SOX5: variants seen among roughly 807,000 people sequenced by gnomAD.
SOX5 encodes the protein SRY-box transcription factor 5.
A neutral mutation model predicts 92.0 loss-of-function variants in SOX5; 9 were observed. The ratio of observed to expected loss-of-function variants is 0.10; its 90% CI spans 0.06 to 0.17. The LOEUF (loss-of-function observed/expected upper bound fraction) is 0.17. Ranked by LOEUF, SOX5 falls within the 10% of genes least tolerant of loss-of-function variation. The probability of loss-of-function intolerance (pLI) is 1.00; values close to 1 mark genes in which losing one functional copy is unlikely to be tolerated. For missense variants in SOX5, 642 were observed against 944.5 expected (o/e 0.68, Z 4.20); for synonymous variants, 344 against 336.3 (o/e 1.02, Z -0.25).
At chr12:23,752,931 A>T (rs2094226742) in intron 4 of SOX5, among the ~76,000 whole-genome samples, 1 of 151,844 alleles carries the variant, frequency 6.6e-6, no homozygotes, top group South Asian at 2.1e-4. Flanking sequence ...GTAACTTTAA[A>T]ACCTAATTCA....
intron 2 of SOX5, among the ~76,000 whole-genome samples, chr12:23,882,798 C>T (rs533599534): frequency 2.0e-5 from 3 of 152,228 alleles, no homozygotes; most frequent in South Asian, 2.1e-4. Flanking sequence ...AAGTGTCTTC[C>T]GTGCACACAG....
chr12:24,106,334 G>A (rs1946663758), intron 4 of SOX5, among the ~76,000 whole-genome samples: 1 of 152,254 alleles, frequency 6.6e-6, no homozygotes, highest in Non-Finnish European at 1.5e-5. Context: ...GAAAAACTAT[G>A]TAAACAAATG....
At chr12:23,585,895 A>G (rs890219753) in intron 9 of SOX5, among the ~76,000 whole-genome samples, 2 of 152,026 alleles carry the variant, frequency 1.3e-5, no homozygotes, top group Non-Finnish European at 2.9e-5. Context: ...GGCCAGGTAA[A>G]CCCCATTTGC....
intron 1 of SOX5, among the ~76,000 whole-genome samples, chr12:24,525,585 A>G (rs1219086412): frequency 1.3e-5 from 2 of 152,230 alleles, no homozygotes; most frequent in Admixed American, 6.5e-5. Context: ...GAGAAGCAGT[A>G]GCCAGGCCGG....
chr12:23,941,018 A>G (rs1423270793), intron 1 of SOX5, among the ~76,000 whole-genome samples: 1 of 151,542 alleles, frequency 6.6e-6, no homozygotes, highest in Non-Finnish European at 1.5e-5. Flanking sequence ...GCTGCAAACA[A>G]GAAAACGGGA....
At chr12:24,516,592 C>T (rs1271098049) in intron 1 of SOX5, among the ~76,000 whole-genome samples, 1 of 152,180 alleles carries the variant, frequency 6.6e-6, no homozygotes. Flanking sequence ...TTGATACTTA[C>T]CCCTTGAAAT....
intron 4 of SOX5, among the ~76,000 whole-genome samples, chr12:24,034,068 G>T (rs1955777455): frequency 6.6e-6 from 1 of 152,004 alleles, no homozygotes; most frequent in Non-Finnish European, 1.5e-5. Flanking sequence ...AGACTTTAGA[G>T]AAACATAACT....
intron 8 of SOX5, among the ~76,000 whole-genome samples, chr12:23,614,546 T>G (rs1285097439): frequency 6.6e-6 from 1 of 152,266 alleles, no homozygotes; most frequent in Admixed American, 6.5e-5. Context: ...GTATAATATT[T>G]GTTTATCCAT....
At chr12:24,248,870 C>A (rs571772168) in intron 3 of SOX5, among the ~76,000 whole-genome samples, 1 of 152,144 alleles carries the variant, frequency 6.6e-6, no homozygotes, top group East Asian at 1.9e-4. Context: ...GTAATAATCA[C>A]AAAAGGAATG....
At chr12:24,524,958 T>C (rs1440792983) in intron 1 of SOX5, among the ~76,000 whole-genome samples, 1 of 152,176 alleles carries the variant, frequency 6.6e-6, no homozygotes, top group African/African-American at 2.4e-5. Context: ...AACAGGACCC[T>C]GTCTCAAACA....
intron 3 of SOX5, among the ~76,000 whole-genome samples, chr12:23,839,704 G>A (rs978839129): frequency 2.0e-5 from 3 of 151,574 alleles, no homozygotes; most frequent in Non-Finnish European, 4.4e-5. Context: ...CATATCAACG[G>A]TCTAATGAAA....
intron 2 of SOX5, among the ~76,000 whole-genome samples, chr12:23,854,251 G>A (rs942644428): frequency 6.6e-6 from 1 of 152,066 alleles, no homozygotes; most frequent in African/African-American, 2.4e-5. Context: ...CTAAACGTTT[G>A]CTAGCACTGC....
intron 4 of SOX5, among the ~76,000 whole-genome samples, chr12:24,126,378 C>T (rs961250337): frequency 6.6e-6 from 1 of 152,142 alleles, no homozygotes; most frequent in Non-Finnish European, 1.5e-5. Flanking sequence ...GTGCCACTCT[C>T]GGCATTCCTT....
chr12:24,475,541 T>A (rs1341068621), intron 1 of SOX5, among the ~76,000 whole-genome samples: 1 of 152,176 alleles, frequency 6.6e-6, no homozygotes, highest in Non-Finnish European at 1.5e-5. Flanking sequence ...CACTGTCACC[T>A]CTCCTGTGTT....
At chr12:24,269,235 A>G (rs949691449) in intron 3 of SOX5, among the ~76,000 whole-genome samples, 1 of 152,222 alleles carries the variant, frequency 6.6e-6, no homozygotes. Flanking sequence ...TTTGCAAGTA[A>G]AAGAGAAAGG....
At chr12:23,674,420 C>T (rs2085325282) in intron 6 of SOX5, among the ~76,000 whole-genome samples, 1 of 141,824 alleles carries the variant, frequency 7.1e-6, no homozygotes, top group Non-Finnish European at 1.5e-5. Context: ...TCTCTGCAAC[C>T]TCCGCCTCCC....
chr12:23,702,445 C>T (rs112528964), intron 6 of SOX5, among the ~76,000 whole-genome samples: 143 of 151,996 alleles, frequency 9.4e-4, no homozygotes, highest in South Asian at 3.1e-3. Flanking sequence ...TATATTTGGA[C>T]GTGAACCAAA....
intron 3 of SOX5, among the ~76,000 whole-genome samples, chr12:23,812,278 T>C (rs1221309650): frequency 6.6e-6 from 1 of 152,104 alleles, no homozygotes; most frequent in Admixed American, 6.6e-5. Context: ...TCAAACAAGC[T>C]GCAACAAAGA....
chr12:23,740,826 A>G (rs780760634), intron 5 of SOX5, 41 bp downstream of exon 5: 1 of 1,536,318 alleles, frequency 6.5e-7, no homozygotes, highest in Non-Finnish European at 8.9e-7. Context: ...CAGGCAAAGT[A>G]ATGTCTGAGG....
Sources: gnomAD v4.1 joint callset for allele counts (sites outside exome capture counted in the v4.1 genomes callset) on GRCh38, gnomAD v4.1.1 for gene constraint, MANE v1.5 for transcripts, NCBI Gene and HGNC (gene_info 2026-07-23, HGNC 2026-07-21) for gene names.